SCFD2: variants seen among roughly 807,000 people sequenced by gnomAD.
SCFD2 encodes sec1 family domain-containing protein 2.
SCFD2 carries 54 observed loss-of-function variants against 58.9 expected under a neutral mutation model. The observed-to-expected ratio is 0.92, with a 90% confidence interval of 0.74 to 1.15. The LOEUF is 1.15. SCFD2 is among the 50% of genes most tolerant of loss of function. The pLI, the probability that SCFD2 is intolerant of heterozygous loss-of-function variation, is 0.00. For missense variants in SCFD2, 805 were observed against 836.6 expected (o/e 0.96, Z 0.47); for synonymous variants, 321 against 335.9 (o/e 0.96, Z 0.49).
chr4:52,969,736 C>A (rs992493379), intron 5 of SCFD2, among the ~76,000 whole-genome samples: 2 of 152,196 alleles, frequency 1.3e-5, no homozygotes, highest in Non-Finnish European at 2.9e-5. Context: ...TTCTGCAAAC[C>A]TGAGGCAGTG....
At chr4:52,886,679 C>T (rs911681048) in intron 7 of SCFD2, among the ~76,000 whole-genome samples, 1 of 152,200 alleles carries the variant, frequency 6.6e-6, no homozygotes, top group Non-Finnish European at 1.5e-5. Flanking sequence ...ATCACTACCT[C>T]CATTATGCAG....
At chr4:53,122,282 A>G (rs564931440) in intron 5 of SCFD2, among the ~76,000 whole-genome samples, 1 of 152,190 alleles carries the variant, frequency 6.6e-6, no homozygotes, top group African/African-American at 2.4e-5. Context: ...GAGGCTGAGA[A>G]AGGAGAATTG....
intron 4 of SCFD2, among the ~76,000 whole-genome samples, chr4:53,148,670 G>A (rs1183160619): frequency 1.3e-5 from 2 of 152,074 alleles, no homozygotes; most frequent in East Asian, 3.9e-4. Flanking sequence ...ATTGTTGTGA[G>A]GGCAGCAATT....
At chr4:53,332,549 C>G (rs1021014789) in intron 2 of SCFD2, among the ~76,000 whole-genome samples, 33 of 152,104 alleles carry the variant, frequency 2.2e-4, no homozygotes, top group Non-Finnish European at 2.6e-4. Context: ...ATTCAACAAC[C>G]CTTAATGCTA....
At chr4:52,881,569 T>C (rs191629755) in intron 8 of SCFD2, among the ~76,000 whole-genome samples, 39 of 152,304 alleles carry the variant, frequency 2.6e-4, no homozygotes, top group Admixed American at 1.1e-3. Flanking sequence ...TTTTAGATAG[T>C]CAATAAATGC....
chr4:53,298,702 G>A (rs193054593), intron 3 of SCFD2, among the ~76,000 whole-genome samples: 37 of 152,254 alleles, frequency 2.4e-4, no homozygotes, highest in East Asian at 1.2e-3. Context: ...CCCCAGTAGC[G>A]GTGAACTGAC....
At chr4:53,054,145 G>T (rs1411603515) in intron 5 of SCFD2, among the ~76,000 whole-genome samples, 1 of 151,986 alleles carries the variant, frequency 6.6e-6, no homozygotes, top group Non-Finnish European at 1.5e-5. Context: ...GTCTTCATGA[G>T]ATCCACATAA....
At chr4:52,904,072 C>A (rs552733083) in intron 7 of SCFD2, among the ~76,000 whole-genome samples, 2 of 152,336 alleles carry the variant, frequency 1.3e-5, no homozygotes, top group Admixed American at 1.3e-4. Flanking sequence ...TAACTGCTGG[C>A]TCTCTTTCCC....
intron 5 of SCFD2, among the ~76,000 whole-genome samples, chr4:53,105,774 A>G (rs1724976167): frequency 6.6e-6 from 1 of 152,098 alleles, no homozygotes; most frequent in African/African-American, 2.4e-5. Flanking sequence ...AGCAGACTTA[A>G]ATGTCCCTGC....
chr4:52,904,896 C>A (rs936425521), intron 7 of SCFD2, among the ~76,000 whole-genome samples: 9 of 152,174 alleles, frequency 5.9e-5, no homozygotes, highest in Non-Finnish European at 1.3e-4. Context: ...TCCCAGCCTT[C>A]TGGAGGTTCA....
At chr4:52,991,720 G>A (rs1314052066) in intron 5 of SCFD2, among the ~76,000 whole-genome samples, 1 of 152,130 alleles carries the variant, frequency 6.6e-6, no homozygotes, top group African/African-American at 2.4e-5. Context: ...TGGCTAAGAA[G>A]AGTATTGGTT....
intron 5 of SCFD2, chr4:52,948,399 G>C (rs1187547622): frequency 7.3e-6 from 3 of 410,418 alleles, no homozygotes; most frequent in Non-Finnish European, 1.5e-5. Context: ...AAAGGGCCTG[G>C]ACTCACGAGC....
At chr4:53,050,827 G>T (rs1680161235) in intron 5 of SCFD2, among the ~76,000 whole-genome samples, 1 of 152,150 alleles carries the variant, frequency 6.6e-6, no homozygotes, top group African/African-American at 2.4e-5. Flanking sequence ...CATGCTGCCT[G>T]CATTCCTCCA....
chr4:52,927,563 T>C (rs750558761), intron 5 of SCFD2, among the ~76,000 whole-genome samples: 1 of 152,228 alleles, frequency 6.6e-6, no homozygotes, highest in South Asian at 2.1e-4. Context: ...TTCAAAAACA[T>C]CCAATTTGGT....
At chr4:53,116,191 G>A (rs1577741224) in intron 5 of SCFD2, among the ~76,000 whole-genome samples, 1 of 152,196 alleles carries the variant, frequency 6.6e-6, no homozygotes, top group Non-Finnish European at 1.5e-5. Flanking sequence ...ATGTATGTTA[G>A]TCAGGATAGA....
chr4:53,249,177 G>A (rs938838249), intron 4 of SCFD2, among the ~76,000 whole-genome samples: 11 of 152,274 alleles, frequency 7.2e-5, no homozygotes, highest in African/African-American at 1.2e-4. Flanking sequence ...CTCAGGAGCC[G>A]ATGAGATAAA....
chr4:53,080,037 T>C (rs973658065), intron 5 of SCFD2, among the ~76,000 whole-genome samples: 2 of 152,212 alleles, frequency 1.3e-5, no homozygotes, highest in African/African-American at 2.4e-5. Flanking sequence ...AGAATTTATA[T>C]ATTTGTTTAA....
At chr4:52,885,947 C>T in intron 7 of SCFD2, 81 bp from the exon 8 acceptor site, 2 of 1,559,978 alleles carry the variant, frequency 1.3e-6, no homozygotes, top group South Asian at 2.3e-5. Context: ...TTCATTGTCC[C>T]TCTGTAGAAA....
Position 53,044,828 on chromosome 4 carries a change from GT to G in SCFD2, c.1561+100504del, listed in dbSNP as rs200573912. On this transcript the variant is annotated intron_variant, in intron 5 of 8. Transcript: ENST00000401642. Reference sequence around the variant, plus strand: ...TCAATTAGGAGGCAAGAGTATTTCTGTTTTTTTTTTTTCCTTTTTGTCTGCA... The same window carrying G: ...TCAATTAGGAGGCAAGAGTATTTCTGTTTTTTTTTTTCCTTTTTGTCTGCA... Among the ~76,000 whole-genome samples, 537 of 134,016 alleles carry G rather than the reference GT, an allele frequency of 4.0e-3. 1 individual carries two copies. Among genetic ancestry groups the G allele is most frequent in the East Asian group, 0.016 (78 of 4,772 alleles). The allele number at this position is 134,016 out of a possible 152,430, so 87.9% of individuals were successfully genotyped here. A position where few individuals can be genotyped will look rare whatever the true frequency, so the allele number is the denominator to read the frequency against.
Sources: allele counts gnomAD v4.1 joint callset (sites outside exome capture counted in the v4.1 genomes callset), GRCh38; gene constraint gnomAD v4.1.1; transcripts MANE v1.5; gene names NCBI Gene and HGNC (gene_info 2026-07-23, HGNC 2026-07-21).